Variants in NPHP4 observed in about 807,000 individuals in gnomAD.
NPHP4 encodes the protein nephrocystin-4.
Under a neutral mutation model 155.8 loss-of-function variants are expected in NPHP4, and 151 were observed. That is an observed-to-expected ratio of 0.97 (90% CI 0.85 to 1.11). The LOEUF (loss-of-function observed/expected upper bound fraction) is 1.11, where lower values mean the gene tolerates loss of function less well. Ranked by LOEUF, NPHP4 falls within the 50% of genes least tolerant of loss-of-function variation. The pLI, the probability that NPHP4 is intolerant of heterozygous loss-of-function variation, is 0.00. For missense variants in NPHP4, 1,956 were observed against 1,925.7 expected, an observed-to-expected ratio of 1.02 and a Z score of -0.29; for synonymous variants, 845 against 816.8, an observed-to-expected ratio of 1.03 and a Z score of -0.59.
At chr1:5,887,581 G>A (rs1643889513) in intron 17 of NPHP4, 115 bp from the exon 18 acceptor site, 3 of 1,145,164 alleles carry the variant, frequency 2.6e-6, no homozygotes. Context: ...GGGCGGGAGG[G>A]GGTGTGCGCA....
At chr1:5,903,745 T>C (rs1403694281) in intron 16 of NPHP4, among the ~76,000 whole-genome samples, 1 of 152,174 alleles carries the variant, frequency 6.6e-6, no homozygotes, top group Non-Finnish European at 1.5e-5. Context: ...AAGCAAAAAG[T>C]TGATGCCAGG....
At chr1:5,969,389 C>T in intron 3 of NPHP4, 130 bp from the exon 4 acceptor site, 1 of 512,834 alleles carries the variant, frequency 1.9e-6, no homozygotes, top group Non-Finnish European at 3.4e-6. Flanking sequence ...ACCATGCCCT[C>T]ATGTGGTGTA....
At position 5,969,118 on chromosome 1, in the gene NPHP4, C is replaced by A; in HGVS notation, c.421G>T (p.Asp141Tyr). Residue 141 changes from aspartate to tyrosine, a missense_variant, in exon 4 of 30, where the codon GAC becomes TAC. Transcript: ENST00000378156. ...TCCTGGGAAGCAGAGATAGGAGAGTCCGGCTGGTTGCTGAAGATCCGAAGA... is the reference window on the plus strand; with the variant it reads ...TCCTGGGAAGCAGAGATAGGAGAGTACGGCTGGTTGCTGAAGATCCGAAGA... Reference protein sequence around the residue: ...GILRIFSNQPDSPISASQDKR... With the variant: ...GILRIFSNQPYSPISASQDKR... The A allele has an allele frequency of 1.3e-6, 2 of 1,551,216 alleles. No homozygotes were observed. Among genetic ancestry groups the A allele is most frequent in the Non-Finnish European group, 1.7e-6 (2 of 1,146,586 alleles).
intron 4 of NPHP4, among the ~76,000 whole-genome samples, chr1:5,968,637 C>T (rs1651970836): frequency 6.6e-6 from 1 of 151,066 alleles, no homozygotes; most frequent in Non-Finnish European, 1.5e-5. Context: ...AAGCAAGACA[C>T]ATCCCACACT....
intron 11 of NPHP4, among the ~76,000 whole-genome samples, chr1:5,917,745 C>A (rs1645549225): frequency 6.6e-6 from 1 of 152,154 alleles, no homozygotes; most frequent in Non-Finnish European, 1.5e-5. Context: ...AATAAATGCA[C>A]CAACTATCTG....
rs933365048 is a variant in NPHP4, at chr1:5,880,205, G to A, written c.2520C>T (p.Ser840=). The change falls in exon 19 of 30, where the codon AGC becomes AGT. Residue 840 remains serine, a synonymous_variant. Transcript: ENST00000378156. ...CCCGAGATCTGGACGGTGGCAATGT[G>A]CTACAACCTCTCACTTTCTGTTCAC... is the stretch of plus-strand genomic sequence containing the variant. ...HPCEQKVRGC[S]TLPPSRSRVI... is the part of the protein sequence containing the mutation. The A allele has an allele frequency of 6.2e-7, 1 of 1,613,630 alleles. No homozygotes were observed. Among genetic ancestry groups the A allele is most frequent in the Non-Finnish European group, 8.5e-7 (1 of 1,179,742 alleles).
At position 5,905,690 on chromosome 1, in the gene NPHP4, G is replaced by C. The variant is rs113413307; in HGVS notation, c.1705C>G (p.Gln569Glu). The C allele has an allele frequency of 7.8e-4, 1,251 of 1,613,932 alleles. 10 individuals are homozygous for C. In the African/African-American group the frequency reaches 0.014, roughly 18 times the overall value. The change falls in exon 14 of 30, where the codon CAG (glutamine) becomes GAG (glutamate). Residue 569 changes from glutamine to glutamate, a missense_variant. Coordinates refer to ENST00000378156, the MANE Select transcript of NPHP4 (RefSeq NM_015102.5). This position sits in a 1 kb window ranked among gnomAD's most constrained non-coding sequence, Gnocchi z 4.0. The stretch of plus-strand genomic sequence containing the variant: ...TGCAAAGGCGTGAACGGCAGCTCCT[G>C]TAACTGTTCGGCAATGGATGTTTCC... ...VLETSIAEQL[Q>E]ELPFTPLHAP...
intron 3 of NPHP4, among the ~76,000 whole-genome samples, chr1:5,976,422 T>C (rs1653595315): frequency 6.6e-6 from 1 of 152,174 alleles, no homozygotes; most frequent in Non-Finnish European, 1.5e-5. Flanking sequence ...GGGGGCTCAC[T>C]GTGCACATCT....
intron 1 of NPHP4, among the ~76,000 whole-genome samples, 189 bp from the exon 2 acceptor site, chr1:5,986,516 T>C (rs1012744017): frequency 2.6e-5 from 4 of 152,148 alleles, no homozygotes; most frequent in South Asian, 2.1e-4. Context: ...GGAAGTACCA[T>C]TTGCATTTCA....
rs142980676 is a variant in NPHP4, at chr1:5,969,767, C to A, written c.280-508G>T. ...TCAACACAGACAACTTCGATCACAC[C>A]TTCCCAGTGCTGCTTCGTGCGTAAC... On this transcript the variant is annotated intron_variant, in intron 3 of 29. Transcript: ENST00000378156. Among the ~76,000 whole-genome samples, 15 of 152,352 alleles carry A rather than the reference C, an allele frequency of 9.8e-5. No individual in the cohort carries two copies. In the East Asian group the frequency reaches 2.9e-3, roughly 29 times the overall value.
intron 9 of NPHP4, among the ~76,000 whole-genome samples, chr1:5,936,721 A>C (rs1646559698): frequency 6.6e-6 from 1 of 152,232 alleles, no homozygotes; most frequent in Non-Finnish European, 1.5e-5. Context: ...AAAGCCGCTC[A>C]CAGAAAACAG....
chr1:5,934,881 G>T (rs1224173968), intron 9 of NPHP4, among the ~76,000 whole-genome samples: 1 of 152,202 alleles, frequency 6.6e-6, no homozygotes, highest in Non-Finnish European at 1.5e-5. Flanking sequence ...CAAGACTCCA[G>T]TGGTGGTGGC....
intron 5 of NPHP4, among the ~76,000 whole-genome samples, chr1:5,963,139 G>C (rs1248167248): frequency 1.3e-5 from 2 of 152,240 alleles, no homozygotes; most frequent in East Asian, 3.8e-4. Context: ...GGTCCGCCAT[G>C]GGGGCTCACG....
chr1:5,879,150 G>GGCCCCTCCCACCTCTAACT (rs936125279), intron 19 of NPHP4, among the ~76,000 whole-genome samples: 1 of 152,062 alleles, frequency 6.6e-6, no homozygotes, highest in Non-Finnish European at 1.5e-5. Flanking sequence ...GGAACCCAAC[G>GGCCCCTCCCACCTCTAACT]GCCCCTCCCA....
At chr1:5,902,017 G>GA (rs1644707297) in intron 16 of NPHP4, among the ~76,000 whole-genome samples, 1 of 152,226 alleles carries the variant, frequency 6.6e-6, no homozygotes, top group African/African-American at 2.4e-5. Context: ...AGTGAGTTGA[G>GA]AAAACCAAAC....
chr1:5,888,525 C>A, intron 17 of NPHP4: 1 of 1,326,172 alleles, frequency 7.5e-7, no homozygotes, highest in Admixed American at 2.0e-5. Flanking sequence ...TTGCCACACT[C>A]GTCTACACTG....
At position 5,889,420 on chromosome 1, in the gene NPHP4, T is replaced by C. The variant is rs753440423; in HGVS notation, c.2304+1448A>G. Among the ~76,000 whole-genome samples, 21 of 152,236 alleles carry C rather than the reference T, an allele frequency of 1.4e-4. No individual in the cohort carries two copies. Among genetic ancestry groups the C allele is most frequent in the Admixed American group, 1.0e-3 (16 of 15,288 alleles). On this transcript the variant is annotated intron_variant, in intron 17 of 29. Coordinates refer to ENST00000378156, the MANE Select transcript of NPHP4 (RefSeq NM_015102.5). The surrounding 1 kb of genome is among the most constrained non-coding windows in gnomAD (Gnocchi z 4.2). The stretch of plus-strand genomic sequence containing the variant: ...TTTTAGAAAAGTGAAGCTTTAAATT[T>C]AATTTATTCAAGTCTATGTCAACAA...
chr1:5,979,337 GGGGCAGGGCA>G (rs575682989), intron 2 of NPHP4, among the ~76,000 whole-genome samples: 1 of 151,886 alleles, frequency 6.6e-6, no homozygotes, highest in Non-Finnish European at 1.5e-5. Flanking sequence ...TGGGTGGGGC[GGGGCAGGGCA>G]GGGCAGGGCA....
At position 5,863,398 on chromosome 1, in the gene NPHP4, C is replaced by A. The variant is rs761879974; in HGVS notation, c.4148G>T (p.Gly1383Val). Residue 1383 changes from glycine (G) to valine (V), a missense_variant, in exon 30 of 30, where the codon GGT becomes GTT. Transcript: ENST00000378156. ...CAAGCCGATGGTGTAGGTCTCTCCA[C>A]CCCCGACCTGGAAATAAGCATCCAA... Reference protein sequence around the residue: ...RFREDSFQVGGGETYTIGLQF... With the variant: ...RFREDSFQVGVGETYTIGLQF... The A allele has an allele frequency of 6.2e-7, 1 of 1,602,512 alleles. No homozygotes were observed. Among genetic ancestry groups the A allele is most frequent in the African/African-American group, 1.3e-5 (1 of 74,186 alleles).
Sources: allele counts gnomAD v4.1 joint callset (sites outside exome capture counted in the v4.1 genomes callset), GRCh38; gene constraint gnomAD v4.1.1; non-coding constraint Gnocchi (gnomAD v3.1); transcripts MANE v1.5; gene names NCBI Gene and HGNC (gene_info 2026-07-23, HGNC 2026-07-21).